STPG2: variants seen among roughly 807,000 people sequenced by gnomAD.
STPG2 encodes sperm-tail PG-rich repeat-containing protein 2.
STPG2 carries 56 observed loss-of-function variants against 54.2 expected under a neutral mutation model. That is an observed-to-expected ratio of 1.03 (90% CI 0.83 to 1.29). STPG2 has a LOEUF of 1.29. Among genes scored for constraint, STPG2 ranks in the 50% most tolerant of loss-of-function variants. The pLI, the probability that STPG2 is intolerant of heterozygous loss-of-function variation, is 0.00. For synonymous variants in STPG2, 200 were observed against 181.8 expected (o/e 1.10, Z -0.81); for missense variants, 596 against 544.9 (o/e 1.09, Z -0.93).
At chr4:97,721,496 T>C (rs1724447644) in intron 9 of STPG2, among the ~76,000 whole-genome samples, 1 of 152,138 alleles carries the variant, frequency 6.6e-6, no homozygotes, top group African/African-American at 2.4e-5. Flanking sequence ...GAGTTAATTG[T>C]TATTTCTTCA....
At chr4:97,842,553 G>A (rs1376103766) in intron 8 of STPG2, among the ~76,000 whole-genome samples, 1 of 151,796 alleles carries the variant, frequency 6.6e-6, no homozygotes, top group African/African-American at 2.4e-5. Context: ...CCCATTTCCT[G>A]TAACACCCTA....
chr4:97,968,373 G>C (rs1370753439), intron 7 of STPG2, among the ~76,000 whole-genome samples: 1 of 152,120 alleles, frequency 6.6e-6, no homozygotes, highest in Admixed American at 6.5e-5. Context: ...AGAGGAGATG[G>C]TACCATTCCT....
intron 10 of STPG2, among the ~76,000 whole-genome samples, chr4:97,688,581 A>T (rs1220967582): frequency 6.6e-6 from 1 of 151,992 alleles, no homozygotes; most frequent in Non-Finnish European, 1.5e-5. Flanking sequence ...GTTAGCCAGG[A>T]TGGTCTCAAT....
At chr4:97,687,801 G>A (rs1723246177) in intron 10 of STPG2, among the ~76,000 whole-genome samples, 1 of 151,998 alleles carries the variant, frequency 6.6e-6, no homozygotes, top group Admixed American at 6.5e-5. Flanking sequence ...AACATAAAAG[G>A]AAAAGAACCT....
chr4:97,614,352 G>C (rs1222350013), intron 10 of STPG2, among the ~76,000 whole-genome samples: 1 of 151,792 alleles, frequency 6.6e-6, no homozygotes, highest in Non-Finnish European at 1.5e-5. Context: ...AGCCAAATCA[G>C]GACTATAAAG....
chr4:97,971,028 G>C, intron 7 of STPG2, among the ~76,000 whole-genome samples: 1 of 152,100 alleles, frequency 6.6e-6, no homozygotes, highest in East Asian at 1.9e-4. Context: ...AAAGAAGACA[G>C]TAATGCAGCC....
chr4:98,023,060 G>C (rs928320676), intron 5 of STPG2, among the ~76,000 whole-genome samples: 1 of 152,204 alleles, frequency 6.6e-6, no homozygotes, highest in Non-Finnish European at 1.5e-5. Flanking sequence ...TTACTGGTGA[G>C]GAACTGCATT....
intron 10 of STPG2, among the ~76,000 whole-genome samples, chr4:97,683,879 A>G (rs1723108489): frequency 6.6e-6 from 1 of 151,862 alleles, no homozygotes; most frequent in Non-Finnish European, 1.5e-5. Flanking sequence ...AAGAAACAAA[A>G]TCTTTCTGGA....
At chr4:98,090,274 C>A (rs1209083875) in intron 5 of STPG2, among the ~76,000 whole-genome samples, 3 of 152,056 alleles carry the variant, frequency 2.0e-5, no homozygotes, top group Non-Finnish European at 4.4e-5. Context: ...ATGTGGCTTG[C>A]CAGTTTTCCC....
At chr4:97,876,876 T>A (rs909149346) in intron 8 of STPG2, among the ~76,000 whole-genome samples, 2 of 152,120 alleles carry the variant, frequency 1.3e-5, no homozygotes, top group East Asian at 1.9e-4. Flanking sequence ...ATAGAAAAAA[T>A]TTGGACCATG....
rs944738351 is a variant in STPG2 at position 98,056,449 on chromosome 4, A to G, written c.612+49504T>C. Among the ~76,000 whole-genome samples the G allele has an allele frequency of 1.3e-5, 2 of 152,160 alleles. 1 individual carries two copies. Among genetic ancestry groups the G allele is most frequent in the Admixed American group, 1.3e-4 (2 of 15,282 alleles). On this transcript the variant is annotated intron_variant, in intron 5 of 10. Transcript: ENST00000295268. ...CACTTTGCTGCACCTTGGTGCCCCC[A>G]GCGCAGTGAACTCTAAGCCTCAACA...
intron 5 of STPG2, among the ~76,000 whole-genome samples, chr4:98,042,295 T>C (rs1033659960): frequency 6.6e-6 from 1 of 151,908 alleles, no homozygotes; most frequent in Non-Finnish European, 1.5e-5. Flanking sequence ...TTCATTGATT[T>C]TTTTGTACTT....
intron 4 of STPG2, among the ~76,000 whole-genome samples, chr4:97,538,857 T>A (rs1731612423): frequency 6.6e-6 from 1 of 152,196 alleles, no homozygotes; most frequent in African/African-American, 2.4e-5. Context: ...GCAGAAACTT[T>A]ACAAGCCAGA....
chr4:97,596,766 G>A (rs975029171), intron 10 of STPG2, among the ~76,000 whole-genome samples: 2 of 152,234 alleles, frequency 1.3e-5, no homozygotes, highest in Non-Finnish European at 1.5e-5. Context: ...AGCTAAAGCA[G>A]AGTTAAGAGA....
intron 9 of STPG2, among the ~76,000 whole-genome samples, chr4:97,754,501 A>C (rs1027098481): frequency 1.2e-4 from 19 of 152,230 alleles, no homozygotes; most frequent in South Asian, 6.2e-4. Flanking sequence ...AAGTCTATTA[A>C]GGTATTTGAA....
chr4:97,849,757 A>G (rs984115112), intron 8 of STPG2, among the ~76,000 whole-genome samples: 3 of 151,454 alleles, frequency 2.0e-5, no homozygotes, highest in Non-Finnish European at 3.0e-5. Flanking sequence ...CAAGCATTAA[A>G]AAGTCAGGAA....
intron 10 of STPG2, among the ~76,000 whole-genome samples, chr4:97,592,136 A>T (rs912185918): frequency 6.6e-6 from 1 of 152,158 alleles, no homozygotes; most frequent in Non-Finnish European, 1.5e-5. Context: ...AATAAATATA[A>T]TTAACACTTA....
At chr4:97,527,156 C>A (rs1250070749) in intron 4 of STPG2, among the ~76,000 whole-genome samples, 1 of 152,056 alleles carries the variant, frequency 6.6e-6, no homozygotes, top group Non-Finnish European at 1.5e-5. Flanking sequence ...CCTAGCCCCC[C>A]ACCAACTGAC....
At chr4:97,886,946 T>C (rs1226626514) in intron 8 of STPG2, among the ~76,000 whole-genome samples, 1 of 152,206 alleles carries the variant, frequency 6.6e-6, no homozygotes, top group Admixed American at 6.5e-5. Flanking sequence ...CCCTTGCTCC[T>C]GCTACACCAC....
Sources: allele counts gnomAD v4.1 joint callset (sites outside exome capture counted in the v4.1 genomes callset), GRCh38; gene constraint gnomAD v4.1.1; transcripts MANE v1.5; gene names NCBI Gene and HGNC (gene_info 2026-07-23, HGNC 2026-07-21).